Variants in PRORP observed in about 807,000 individuals in gnomAD.
PRORP encodes protein only RNase P catalytic subunit, also known as mitochondrial ribonuclease P catalytic subunit.
Under a neutral mutation model 59.4 loss-of-function variants are expected in PRORP, and 51 were observed. That is an observed-to-expected ratio of 0.86 (90% CI 0.69 to 1.08). The LOEUF is 1.08. PRORP is among the 50% of genes least tolerant of loss of function. The pLI is 0.00. For synonymous variants in PRORP, 231 were observed against 245.6 expected (o/e 0.94, Z 0.55); for missense variants, 646 against 690.3 (o/e 0.94, Z 0.72).
intron 5 of PRORP, among the ~76,000 whole-genome samples, chr14:35,262,175 T>TATA (rs1429076223): frequency 6.6e-6 from 1 of 151,604 alleles, no homozygotes; most frequent in Non-Finnish European, 1.5e-5. Context: ...TTTATAATTT[T>TATA]ATTATTATTA....
chr14:35,177,665 T>C (rs982642351), intron 4 of PRORP, among the ~76,000 whole-genome samples: 1 of 152,200 alleles, frequency 6.6e-6, no homozygotes, highest in Non-Finnish European at 1.5e-5. Context: ...TAGCAGTCTA[T>C]CAATTTTGTT....
chr14:35,230,937 GAACACACACACA>G (rs2050061416), intron 5 of PRORP, among the ~76,000 whole-genome samples: 1 of 85,392 alleles, frequency 1.2e-5, no homozygotes, highest in South Asian at 4.2e-4. Flanking sequence ...CAGGAAAAGA[GAACACACACACA>G]CACACACACA....
chr14:35,269,432 C>A (rs1001941558), intron 6 of PRORP, among the ~76,000 whole-genome samples: 1 of 152,178 alleles, frequency 6.6e-6, no homozygotes, highest in African/African-American at 2.4e-5. Flanking sequence ...ACGATCAATT[C>A]ACTGACCTTC....
chr14:35,145,158 A>G (rs919274662), intron 4 of PRORP, among the ~76,000 whole-genome samples: 4 of 143,888 alleles, frequency 2.8e-5, no homozygotes, highest in Non-Finnish European at 6.1e-5. Context: ...TTTTGTAGAG[A>G]TGGGGGATCT....
At chr14:35,190,164 C>T (rs919586244) in intron 5 of PRORP, among the ~76,000 whole-genome samples, 2 of 150,730 alleles carry the variant, frequency 1.3e-5, no homozygotes, top group Non-Finnish European at 3.0e-5. Flanking sequence ...TTTGGGAGGC[C>T]GAGGTGAGTG....
intron 4 of PRORP, among the ~76,000 whole-genome samples, chr14:35,149,452 A>T (rs564843554): frequency 1.3e-5 from 2 of 152,224 alleles, no homozygotes; most frequent in East Asian, 3.9e-4. Flanking sequence ...ACCTCAAGTG[A>T]TCCTCTTGCT....
chr14:35,124,249 A>G lies in PRORP; in HGVS notation c.986+18A>G, dbSNP rs1242318506. ...TTTGAGAGGTAATTTTGGTTTTTTT[A>G]TATGTATGTTTTTATTCTTTAATTT... is the stretch of plus-strand genomic sequence containing the variant. On this transcript the variant is annotated intron_variant, in intron 2 of 7. Transcript: ENST00000534898. The G allele has an allele frequency of 4.0e-6, 6 of 1,494,108 alleles. No individual in the cohort carries two copies. Among genetic ancestry groups the G allele is most frequent in the African/African-American group, 2.8e-5 (2 of 71,012 alleles). The allele number at this position is 1,494,108 out of a possible 1,614,324, so 92.6% of individuals were successfully genotyped here.
At chr14:35,182,473 C>G (rs1284181747) in intron 5 of PRORP, among the ~76,000 whole-genome samples, 7 of 151,816 alleles carry the variant, frequency 4.6e-5, no homozygotes, top group Non-Finnish European at 7.4e-5. Context: ...GGTGAAACCC[C>G]ATCTCTACTA....
At chr14:35,175,763 T>C (rs1402097209) in intron 4 of PRORP, among the ~76,000 whole-genome samples, 1 of 152,160 alleles carries the variant, frequency 6.6e-6, no homozygotes, top group Non-Finnish European at 1.5e-5. Context: ...CATTTGTCAA[T>C]TTTGGCTTTT....
At chr14:35,131,832 C>A (rs2047247693) in intron 4 of PRORP, among the ~76,000 whole-genome samples, 1 of 150,028 alleles carries the variant, frequency 6.7e-6, no homozygotes, top group African/African-American at 2.5e-5. Context: ...CACACCTAGC[C>A]AATCCTTTCT....
rs989633302 is a variant in PRORP at position 35,124,584 on chromosome 14, TAAC to T, written c.986+358_986+360del. 4.0e-5 allele frequency among the ~76,000 whole-genome samples: 6 copies of T among 151,784 alleles called. No homozygotes were observed. In the East Asian group the frequency reaches 1.2e-3, roughly 29 times the overall value. ...CAAAATTTTCTCTCTTTAAAAAAAG[TAAC>T]AACATACATAATTTGTGCTAATCTT... On this transcript the variant is annotated intron_variant, in intron 2 of 7. Coordinates refer to ENST00000534898, the MANE Select transcript of PRORP (RefSeq NM_014672.4).
intron 5 of PRORP, chr14:35,222,517 T>A (rs1384964585): frequency 3.3e-5 from 5 of 152,250 alleles, no homozygotes; most frequent in Non-Finnish European, 7.3e-5. Flanking sequence ...CTCTCCAATT[T>A]CTATAAATCA....
chr14:35,241,693 G>A lies in PRORP; in HGVS notation c.1276-25034G>A, dbSNP rs550336923. Among the ~76,000 whole-genome samples the A allele has an allele frequency of 2.6e-5, 4 of 152,184 alleles. No individual in the cohort carries two copies. In the South Asian group the frequency reaches 8.3e-4, roughly 32 times the overall value. ...AAGATCCTGTGTGCCTTATGCAAGA[G>A]TCCTGCCTACCTCCCAGCCTCGACT... On this transcript the variant is annotated intron_variant, in intron 5 of 7. Transcript: ENST00000534898.
intron 5 of PRORP, among the ~76,000 whole-genome samples, chr14:35,230,934 A>G (rs1171017427): frequency 8.8e-6 from 1 of 113,384 alleles, no homozygotes; most frequent in African/African-American, 3.5e-5. Context: ...AGACAGGAAA[A>G]GAGAACACAC....
chr14:35,127,941 T>C (rs968526242), intron 4 of PRORP, among the ~76,000 whole-genome samples: 1 of 152,228 alleles, frequency 6.6e-6, no homozygotes, highest in African/African-American at 2.4e-5. Flanking sequence ...AATCCTATTA[T>C]ACTGGGGCAT....
intron 4 of PRORP, among the ~76,000 whole-genome samples, chr14:35,168,763 C>T (rs976558717): frequency 1.3e-5 from 2 of 152,086 alleles, no homozygotes; most frequent in African/African-American, 4.8e-5. Context: ...TCAAGGACCC[C>T]CGTATGTGAC....
At chr14:35,232,387 A>T (rs549660961) in intron 5 of PRORP, among the ~76,000 whole-genome samples, 118 of 151,680 alleles carry the variant, frequency 7.8e-4, no homozygotes, top group East Asian at 2.5e-3. Context: ...AAAAAAAAAA[A>T]TTTTTGTAGA....
chr14:35,177,528 C>T (rs904048333), intron 4 of PRORP, among the ~76,000 whole-genome samples: 2,645 of 152,086 alleles, frequency 0.017, 74 homozygotes, highest in African/African-American at 0.057. Flanking sequence ...AGTTTATTTG[C>T]GTAGAGGTGT....
In PRORP at chr14:35,217,078, T is replaced by C. The variant is rs552439934; in HGVS notation, c.1275+36301T>C. 7.9e-5 allele frequency among the ~76,000 whole-genome samples: 12 copies of C among 152,318 alleles called. No homozygotes were observed. The East Asian group carries it at 1.9e-3, about 24-fold the overall frequency. The stretch of plus-strand genomic sequence containing the variant: ...TCTCAGATATATATTTGCAAAATTT[T>C]CCCCCCATTCTGTTTTTGGCTTCAC... On this transcript the variant is annotated intron_variant, in intron 5 of 7. Coordinates refer to ENST00000534898, the MANE Select transcript of PRORP (RefSeq NM_014672.4).
Sources: gnomAD v4.1 joint callset for allele counts (sites outside exome capture counted in the v4.1 genomes callset) on GRCh38, gnomAD v4.1.1 for gene constraint, MANE v1.5 for transcripts, NCBI Gene and HGNC (gene_info 2026-07-23, HGNC 2026-07-21) for gene names.